Variants in SMG6 observed in about 807,000 individuals in gnomAD.
SMG6 encodes telomerase-binding protein EST1A.
A neutral mutation model predicts 142.2 loss-of-function variants in SMG6; 66 were observed. The observed-to-expected ratio is 0.46, with a 90% CI of 0.38 to 0.57. The LOEUF is 0.57. SMG6 is among the 20% of genes least tolerant of loss of function. The pLI is 0.00. For synonymous variants in SMG6, 779 were observed against 702.4 expected (o/e 1.11, Z -1.72); for missense variants, 1,793 against 1,832.0 (o/e 0.98, Z 0.39).
intron 13 of SMG6, among the ~76,000 whole-genome samples, chr17:2,139,248 G>C (rs1180114033): frequency 1.3e-5 from 2 of 152,146 alleles, no homozygotes; most frequent in African/African-American, 2.4e-5. Context: ...AATGGGGTAG[G>C]TAAAATAAAT....
At chr17:2,159,427 C>T (rs768804934) in intron 13 of SMG6, among the ~76,000 whole-genome samples, 2 of 151,770 alleles carry the variant, frequency 1.3e-5, no homozygotes, top group Admixed American at 1.3e-4. Flanking sequence ...GACTCTGTCT[C>T]AAACAAACAA....
chr17:2,247,631 T>C (rs963420128), intron 8 of SMG6, among the ~76,000 whole-genome samples: 2 of 147,504 alleles, frequency 1.4e-5, no homozygotes, highest in African/African-American at 5.0e-5. Flanking sequence ...CTACTAAAAA[T>C]ACAAAAATTA....
chr17:2,128,095 G>A (rs2069961592), intron 13 of SMG6, among the ~76,000 whole-genome samples: 1 of 152,188 alleles, frequency 6.6e-6, no homozygotes, highest in African/African-American at 2.4e-5. Context: ...GTGAGTATAG[G>A]CACCATGCTG....
rs1015310931 is a variant in SMG6, at chr17:2,097,380, C to T, written c.3358-11479G>A. On this transcript the variant is annotated intron_variant, in intron 13 of 18. Coordinates refer to ENST00000263073, the MANE Select transcript of SMG6 (RefSeq NM_017575.5). ...TGAACTCTTGGCCTCAAGCAATCTGCTTGCCTCCGCCTCCCAAAGTGCTGG... is the reference window on the plus strand; with the variant it reads ...TGAACTCTTGGCCTCAAGCAATCTGTTTGCCTCCGCCTCCCAAAGTGCTGG... Among the ~76,000 whole-genome samples, 3 of 152,282 alleles carry T rather than the reference C, an allele frequency of 2.0e-5. No individual in the cohort carries two copies. In the East Asian group the frequency reaches 5.8e-4, roughly 29 times the overall value.
intron 10 of SMG6, among the ~76,000 whole-genome samples, chr17:2,217,069 T>G (rs915628440): frequency 4.6e-5 from 7 of 152,172 alleles, no homozygotes; most frequent in Non-Finnish European, 1.0e-4. Flanking sequence ...TCAACAAACA[T>G]TTATTAAATG....
intron 1 of SMG6, chr17:2,302,884 T>C (rs1376373749): frequency 4.6e-5 from 37 of 799,352 alleles, no homozygotes; most frequent in Non-Finnish European, 5.4e-5. Flanking sequence ...AATAATCCAA[T>C]TATGTTAATC....
At chr17:2,079,573 T>C (rs191233123) in intron 15 of SMG6, among the ~76,000 whole-genome samples, 4 of 148,546 alleles carry the variant, frequency 2.7e-5, no homozygotes, top group South Asian at 2.2e-4. Flanking sequence ...GAGGTGGAGG[T>C]TGCAGTGAGC....
chr17:2,083,971 C>T (rs1385887424), intron 14 of SMG6, among the ~76,000 whole-genome samples: 1 of 152,194 alleles, frequency 6.6e-6, no homozygotes, highest in Admixed American at 6.5e-5. Context: ...GGGTCACAAC[C>T]TTTGTCTGGT....
Position 2,071,249 on chromosome 17 carries a change from G to A in SMG6, c.3682-2318C>T, listed in dbSNP as rs570110071. 6.6e-6 allele frequency among the ~76,000 whole-genome samples: 1 copy of A among 152,288 alleles called. No individual in the cohort carries two copies. Among genetic ancestry groups the A allele is most frequent in the Non-Finnish European group, 1.5e-5 (1 of 68,020 alleles). ...GTCCAGCCTGGTCTGACTCTATCAA[G>A]GAAGTGGCTGCCATTTTTTTTTTTA... On this transcript the variant is annotated intron_variant, in intron 15 of 18. Coordinates refer to ENST00000263073, the MANE Select transcript of SMG6 (RefSeq NM_017575.5). The surrounding 1 kb of genome is among the most constrained non-coding windows in gnomAD (Gnocchi z 5.6).
chr17:2,223,613 C>A (rs1297264271), intron 10 of SMG6, among the ~76,000 whole-genome samples: 1 of 152,200 alleles, frequency 6.6e-6, no homozygotes, highest in Non-Finnish European at 1.5e-5. Context: ...ACAGAGTACT[C>A]TTTTCCAAAT....
Position 2,085,620 on chromosome 17 carries a change from C to T in SMG6, c.3534+105G>A, listed in dbSNP as rs1041719754. On this transcript the variant is annotated intron_variant, in intron 14 of 18. Transcript: ENST00000263073. This position sits in a 1 kb window ranked among gnomAD's most constrained non-coding sequence, Gnocchi z 4.1. The stretch of plus-strand genomic sequence containing the variant: ...AGCTGGCTGGTCACATTAACACAGA[C>T]GCTGTTCTCTGTGCTCATAAATAAG... The T allele has an allele frequency of 2.3e-5, 27 of 1,170,058 alleles. 1 individual carries two copies. The highest frequency in any genetic ancestry group is 8.8e-5 in the South Asian group (6 of 68,194). 72.5% of individuals were successfully genotyped at this position (1,170,058 alleles called of 1,614,324 possible). A position where few individuals can be genotyped will look rare whatever the true frequency, so the allele number is the denominator to read the frequency against.
intron 8 of SMG6, among the ~76,000 whole-genome samples, chr17:2,246,958 A>G (rs2073941820): frequency 6.6e-6 from 1 of 152,174 alleles, no homozygotes; most frequent in Non-Finnish European, 1.5e-5. Context: ...AAAAAATAAA[A>G]CAAAACAAAA....
chr17:2,205,508 A>G (rs1316217464), intron 10 of SMG6, among the ~76,000 whole-genome samples: 1 of 152,222 alleles, frequency 6.6e-6, no homozygotes, highest in Non-Finnish European at 1.5e-5. Context: ...AGTAGATTAG[A>G]GAATCAAGAC....
intron 10 of SMG6, among the ~76,000 whole-genome samples, chr17:2,229,757 C>T (rs2073417486): frequency 6.6e-6 from 1 of 152,162 alleles, no homozygotes; most frequent in Non-Finnish European, 1.5e-5. Flanking sequence ...CAACACTTCC[C>T]ACCCCTCACC....
intron 9 of SMG6, 156 bp from the exon 10 acceptor site, chr17:2,236,793 A>C: frequency 7.6e-7 from 1 of 1,322,260 alleles, no homozygotes. Context: ...CTACTTTCAC[A>C]AACCTTCCCG....
intron 5 of SMG6, 32 bp from the exon 6 acceptor site, chr17:2,292,662 G>A: frequency 6.2e-7 from 1 of 1,607,630 alleles, no homozygotes; most frequent in Non-Finnish European, 8.5e-7. Context: ...GAAAATGCTA[G>A]TTCCAGATTA....
At chr17:2,247,280 T>C (rs1170209644) in intron 8 of SMG6, among the ~76,000 whole-genome samples, 1 of 152,242 alleles carries the variant, frequency 6.6e-6, no homozygotes, top group Non-Finnish European at 1.5e-5. Context: ...TGGGAGTTTT[T>C]TGTGTTATTC....
intron 10 of SMG6, among the ~76,000 whole-genome samples, chr17:2,190,550 G>A (rs1289367040): frequency 1.3e-5 from 2 of 152,326 alleles, no homozygotes; most frequent in African/African-American, 2.4e-5. Flanking sequence ...TTCAAGGTGG[G>A]GGCTAGGGCT....
chr17:2,069,608 C>A (rs569034071), intron 15 of SMG6, among the ~76,000 whole-genome samples: 20 of 152,176 alleles, frequency 1.3e-4, no homozygotes, highest in African/African-American at 4.6e-4. Flanking sequence ...AAAACAAAAA[C>A]AACAACAACA....
Sources: allele counts gnomAD v4.1 joint callset (sites outside exome capture counted in the v4.1 genomes callset), GRCh38; gene constraint gnomAD v4.1.1; non-coding constraint Gnocchi (gnomAD v3.1); transcripts MANE v1.5; gene names NCBI Gene and HGNC (gene_info 2026-07-23, HGNC 2026-07-21).